The following NIBAN2 variants were observed in gnomAD, a reference collection of about 807,000 sequenced individuals.
NIBAN2 encodes protein Niban 2.
A neutral mutation model predicts 81.8 loss-of-function variants in NIBAN2; 36 were observed. The ratio of observed to expected loss-of-function variants is 0.44; its 90% confidence interval spans 0.34 to 0.58. NIBAN2 has a LOEUF of 0.58. Ranked by LOEUF, NIBAN2 falls within the 20% of genes least tolerant of loss-of-function variation. The probability of loss-of-function intolerance (pLI) is 0.02; values close to 1 mark genes in which losing one functional copy is unlikely to be tolerated. For missense variants in NIBAN2, 897 were observed against 1,014.1 expected, an observed-to-expected ratio of 0.88 and a Z score of 1.57; for synonymous variants, 445 against 441.6, an observed-to-expected ratio of 1.01 and a Z score of -0.10.
intron 1 of NIBAN2, among the ~76,000 whole-genome samples, chr9:127,550,527 C>T (rs1480412351): frequency 2.6e-5 from 4 of 152,248 alleles, no homozygotes; most frequent in Admixed American, 1.3e-4. Context: ...CAGCATCTAG[C>T]ACAGCACTTT....
rs927325932 is a variant in NIBAN2 at position 127,563,962 on chromosome 9, C to T, written c.55+4858G>A. On this transcript the variant is annotated intron_variant, in intron 1 of 13. Coordinates refer to ENST00000373312, the MANE Select transcript of NIBAN2 (RefSeq NM_022833.4). The surrounding 1 kb of genome is among the most constrained non-coding windows in gnomAD (Gnocchi z 4.1). ...CATCTTAGCAGGAGAGTGTCAAACG[C>T]CTGCTGCCTTCTTAAAGGCTATGTG... Among the ~76,000 whole-genome samples the T allele has an allele frequency of 6.6e-6, 1 of 152,102 alleles. No homozygotes were observed. Among genetic ancestry groups the T allele is most frequent in the African/African-American group, 2.4e-5 (1 of 41,416 alleles).
At chr9:127,512,985 G>A (rs940235643) in intron 8 of NIBAN2, among the ~76,000 whole-genome samples, 5 of 152,090 alleles carry the variant, frequency 3.3e-5, no homozygotes, top group African/African-American at 4.8e-5. Context: ...CATAACAGAC[G>A]AATGGATAAA....
intron 1 of NIBAN2, among the ~76,000 whole-genome samples, chr9:127,551,554 A>C (rs527957359): frequency 6.6e-6 from 1 of 151,640 alleles, no homozygotes; most frequent in South Asian, 2.1e-4. Context: ...TAAATAAATA[A>C]ATAAATACAA....
intron 5 of NIBAN2, among the ~76,000 whole-genome samples, chr9:127,523,306 A>AC (rs982535551): frequency 1.4e-5 from 2 of 139,112 alleles, no homozygotes; most frequent in African/African-American, 5.3e-5. Flanking sequence ...AATCCTCATA[A>AC]CCCCCCTAAG....
upstream of NIBAN2, among the ~76,000 whole-genome samples, chr9:127,570,361 G>C (rs1837932605): frequency 6.6e-6 from 1 of 152,196 alleles, no homozygotes; most frequent in South Asian, 2.1e-4. Context: ...CTGTGTGCCA[G>C]GCCCTCTGCT....
chr9:127,575,842 AT>A (rs1006200869), intron 1 of NIBAN2, among the ~76,000 whole-genome samples: 1 of 151,886 alleles, frequency 6.6e-6, no homozygotes, highest in Non-Finnish European at 1.5e-5. Flanking sequence ...TGAAACATGG[AT>A]TTTTTTCCCG....
At chr9:127,564,655 C>T (rs1417764519) in intron 1 of NIBAN2, among the ~76,000 whole-genome samples, 3 of 152,010 alleles carry the variant, frequency 2.0e-5, no homozygotes, top group Non-Finnish European at 4.4e-5. Context: ...GGTGGATCAC[C>T]TGAGGTCAGG....
intron 1 of NIBAN2, among the ~76,000 whole-genome samples, chr9:127,532,326 G>A (rs1200775620): frequency 1.3e-5 from 2 of 152,138 alleles, no homozygotes; most frequent in African/African-American, 2.4e-5. Context: ...GATGGAGGGG[G>A]GCCAGGCATG....
chr9:127,509,238 C>T lies in NIBAN2; in HGVS notation c.1162-107G>A, dbSNP rs568775574. The stretch of plus-strand genomic sequence containing the variant: ...CGAAGTCCAGGCCCTGGGGCTGGCG[C>T]CTGCTACCAGGGATGGCCACCTGGT... On this transcript the variant is annotated intron_variant, in intron 9 of 13. Transcript: ENST00000373312. 335 of 1,153,996 alleles carry T rather than the reference C, an allele frequency of 2.9e-4. 1 individual carries two copies. In the Middle Eastern group the frequency reaches 3.1e-3, roughly 11 times the overall value. The allele number at this position is 1,153,996 out of a possible 1,614,324, so 71.5% of individuals were successfully genotyped here.
chr9:127,577,595 C>T (rs1390248108), intron 1 of NIBAN2, among the ~76,000 whole-genome samples: 3 of 150,888 alleles, frequency 2.0e-5, no homozygotes, highest in African/African-American at 4.9e-5. Flanking sequence ...CAATACCCCA[C>T]GCTTCCCACA....
chr9:127,556,137 C>T (rs1029102578), intron 1 of NIBAN2, among the ~76,000 whole-genome samples: 1 of 152,210 alleles, frequency 6.6e-6, no homozygotes, highest in Admixed American at 6.5e-5. Flanking sequence ...AGACTCTACC[C>T]GCCTCACCCT....
intron 1 of NIBAN2, among the ~76,000 whole-genome samples, chr9:127,577,040 G>A (rs973831779): frequency 3.3e-5 from 5 of 151,784 alleles, no homozygotes; most frequent in African/African-American, 9.7e-5. Context: ...AACAGATGAG[G>A]CCAGGTGCAG....
At chr9:127,528,126 C>T (rs370220024) in intron 2 of NIBAN2, among the ~76,000 whole-genome samples, 1 of 152,170 alleles carries the variant, frequency 6.6e-6, no homozygotes, top group Admixed American at 6.5e-5. Context: ...TGCACAGGAC[C>T]GCCATGACCA....
chr9:127,525,487 G>T (rs1163973056), intron 3 of NIBAN2, among the ~76,000 whole-genome samples: 2 of 152,132 alleles, frequency 1.3e-5, no homozygotes, highest in Admixed American at 6.5e-5. Flanking sequence ...TATTCAGGAT[G>T]GGGAAAACAT....
At chr9:127,560,298 G>A (rs1161694108) in intron 1 of NIBAN2, among the ~76,000 whole-genome samples, 1 of 152,000 alleles carries the variant, frequency 6.6e-6, no homozygotes, top group Admixed American at 6.6e-5. Context: ...CATCACTGAG[G>A]CCTGGCCACG....
chr9:127,574,790 C>T (rs1278342316), intron 1 of NIBAN2, among the ~76,000 whole-genome samples: 1 of 152,172 alleles, frequency 6.6e-6, no homozygotes, highest in Non-Finnish European at 1.5e-5. Flanking sequence ...CAGAAGGGAC[C>T]CTGGCACCCA....
At chr9:127,527,140 G>C in intron 3 of NIBAN2, 54 bp downstream of exon 3, 3 of 1,598,306 alleles carry the variant, frequency 1.9e-6, no homozygotes, top group Non-Finnish European at 8.5e-7. Context: ...GGGGGAGGGG[G>C]CACACATGGA....
chr9:127,546,354 C>G (rs1837471497), intron 1 of NIBAN2, among the ~76,000 whole-genome samples: 2 of 152,202 alleles, frequency 1.3e-5, no homozygotes, highest in African/African-American at 4.8e-5. Flanking sequence ...TCAGTCACGT[C>G]CAGGGCCGAG....
chr9:127,516,934 G>A lies in NIBAN2; in HGVS notation c.896C>T (p.Pro299Leu), dbSNP rs138211609. ...EVLSKVQQVQ[P>L]AMQAVIRTDM... ...AGTTCGGATGACGGCCTGCATGGCCGGCTGCACCTGCTGCACCTTGGACAG... is the reference window on the plus strand; with the variant it reads ...AGTTCGGATGACGGCCTGCATGGCCAGCTGCACCTGCTGCACCTTGGACAG... Residue 299 changes from proline to leucine, a missense_variant, in exon 8 of 14, where the codon CCG becomes CTG. Around this residue, in one of 3 missense-constraint regions of NIBAN2, gnomAD observed 619 missense variants for 691.0 expected, o/e 0.90. Coordinates refer to ENST00000373312, the MANE Select transcript of NIBAN2 (RefSeq NM_022833.4). 184 of 1,614,036 alleles carry A rather than the reference G, an allele frequency of 1.1e-4. No homozygotes were observed. Among genetic ancestry groups the A allele is most frequent in the Non-Finnish European group, 1.5e-4 (177 of 1,180,032 alleles).
Sources: gnomAD v4.1 joint callset for allele counts (sites outside exome capture counted in the v4.1 genomes callset) on GRCh38, gnomAD v4.1.1 for gene constraint, gnomAD v4.1.1 regional missense constraint, Gnocchi (gnomAD v3.1) non-coding constraint, MANE v1.5 for transcripts, NCBI Gene and HGNC (gene_info 2026-07-23, HGNC 2026-07-21) for gene names.